The following SLC22A6 variants were observed in gnomAD, a reference collection of about 807,000 sequenced individuals.
SLC22A6 encodes the protein PAH transporter.
SLC22A6 carries 45 observed loss-of-function variants against 56.7 expected under a neutral mutation model. The ratio of observed to expected loss-of-function variants is 0.79; its 90% CI spans 0.63 to 1.02. SLC22A6 has a LOEUF of 1.02. Ranked by LOEUF, SLC22A6 falls within the 50% of genes least tolerant of loss-of-function variation. The pLI is 0.00. For synonymous variants in SLC22A6, 291 were observed against 295.9 expected, an observed-to-expected ratio of 0.98 and a Z score of 0.17; for missense variants, 606 against 713.8, an observed-to-expected ratio of 0.85 and a Z score of 1.72.
At chr11:62,978,844 C>A (rs1019143013) in intron 8 of SLC22A6, among the ~76,000 whole-genome samples, 4 of 152,148 alleles carry the variant, frequency 2.6e-5, no homozygotes, top group African/African-American at 9.7e-5. Context: ...CCTGCCTCGG[C>A]CTCCCAAAGT....
Position 62,983,626 on chromosome 11 carries a change from G to C in SLC22A6, c.539C>G (p.Ala180Gly), listed in dbSNP as rs148475665. 6.2e-7 allele frequency: 1 copy of C among 1,610,402 alleles called. No homozygotes were observed. Residue 180 changes from alanine (A) to glycine (G), a missense_variant, in exon 3 of 10, where the codon GCC becomes GGC. Ala to Gly is a moderately conservative substitution (Grantham distance 60, BLOSUM62 0). Transcript: ENST00000360421. This position sits in a 1 kb window ranked among gnomAD's most constrained non-coding sequence, Gnocchi z 4.5. ...LQTAVSGTCA[A>G]FAPNFPIYCA... ...GTAGATGGGGAAGTTGGGTGCGAAG[G>C]CTGCGCAGGTCCCTGACACAGCTGT...
intron 8 of SLC22A6, among the ~76,000 whole-genome samples, chr11:62,978,935 A>G (rs907877610): frequency 2.0e-5 from 3 of 152,130 alleles, no homozygotes; most frequent in Admixed American, 2.0e-4. Flanking sequence ...TGGCCTCCCA[A>G]GGTGCTGGGA....
intron 6 of SLC22A6, among the ~76,000 whole-genome samples, chr11:62,980,334 A>G (rs919809884): frequency 1.3e-5 from 2 of 152,222 alleles, no homozygotes; most frequent in African/African-American, 4.8e-5. Context: ...GGACCTGTCC[A>G]TGGTCCTGGG....
At chr11:62,980,794 C>T (rs2086243707) in intron 6 of SLC22A6, among the ~76,000 whole-genome samples, 191 bp downstream of exon 6, 1 of 152,246 alleles carries the variant, frequency 6.6e-6, no homozygotes, top group Non-Finnish European at 1.5e-5. Context: ...ACTGGTGTCC[C>T]GTGTGGAGAC....
chr11:62,981,841 C>A lies in SLC22A6; in HGVS notation c.797+1G>T. 5 of 1,608,222 alleles carry A rather than the reference C, an allele frequency of 3.1e-6. No homozygotes were observed. Among genetic ancestry groups the A allele is most frequent in the Non-Finnish European group, 4.2e-6 (5 of 1,177,430 alleles). ...CACCTCCAACCCTAGGCCCCACGCA[C>A]CAGGAGTAGATGAAGAAGGCAAAAA... On this transcript the variant is annotated splice_donor_variant, in intron 4 of 9. Transcript: ENST00000360421. LOFTEE classifies it high-confidence loss of function.
chr11:62,983,394 G>A lies in SLC22A6; in HGVS notation c.628+143C>T. The A allele has an allele frequency of 6.0e-6, 5 of 839,736 alleles. No homozygotes were observed. Among genetic ancestry groups the A allele is most frequent in the Non-Finnish European group, 9.3e-6 (5 of 537,252 alleles). The allele number at this position is 839,736 out of a possible 1,614,324, so 52.0% of individuals were successfully genotyped here. Reference sequence around the variant, plus strand: ...TCAGGGCGGCATGAGCCTGAGAAAAGGTTGTTCTATTGGCAGGAAGGTGAG... The same window carrying A: ...TCAGGGCGGCATGAGCCTGAGAAAAAGTTGTTCTATTGGCAGGAAGGTGAG... On this transcript the variant is annotated intron_variant, in intron 3 of 9. Transcript: ENST00000360421. This position sits in a 1 kb window ranked among gnomAD's most constrained non-coding sequence, Gnocchi z 4.5.
chr11:62,984,384 C>A lies in SLC22A6; in HGVS notation c.307G>T (p.Glu103Ter). The A allele has an allele frequency of 6.2e-7, 1 of 1,613,928 alleles. No homozygotes were observed. Among genetic ancestry groups the A allele is most frequent in the East Asian group, 2.2e-5 (1 of 44,856 alleles). ...TAGATCCAGCCATCGGTGCAGGGCT[C>A]TGTGGCCCCTGTGCCATTGGCTTCT... ...GTEANGTGAT[E>*]PCTDGWIYDN... is the part of the protein sequence containing the mutation. The change falls in exon 1 of 10, where the codon GAG becomes TAG. Residue 103 changes from glutamate to a stop codon, truncating the protein, a stop_gained. Coordinates refer to ENST00000360421, the MANE Select transcript of SLC22A6 (RefSeq NM_153276.3). LOFTEE classifies it high-confidence loss of function.
intron 4 of SLC22A6, 62 bp downstream of exon 4, chr11:62,981,780 T>A (rs768140516): frequency 1.1e-5 from 17 of 1,488,878 alleles, no homozygotes; most frequent in African/African-American, 2.8e-5. Flanking sequence ...CTGGGAGATG[T>A]CCTGTCCCTT....
In SLC22A6 at chr11:62,976,758, C is replaced by G; in HGVS notation, c.*36G>C. The G allele has an allele frequency of 6.4e-7, 1 of 1,564,864 alleles. No individual in the cohort carries two copies. Among genetic ancestry groups the G allele is most frequent in the South Asian group, 1.1e-5 (1 of 87,236 alleles). On this transcript the variant is annotated 3_prime_UTR_variant, in exon 10 of 10. Transcript: ENST00000360421. Reference sequence around the variant, plus strand: ...TGGCCGGAGACCTGTAGGACCTTCCCTCCCTTTAGGGTTCTGTAAGGCCCC... The same window carrying G: ...TGGCCGGAGACCTGTAGGACCTTCCGTCCCTTTAGGGTTCTGTAAGGCCCC...
chr11:62,978,671 A>G (rs1217973890), intron 8 of SLC22A6, among the ~76,000 whole-genome samples: 1 of 146,176 alleles, frequency 6.8e-6, no homozygotes, highest in African/African-American at 2.6e-5. Context: ...GGCTCACTGC[A>G]AGCTCCGCCT....
rs1185563024 is a variant in SLC22A6 at position 62,977,540 on chromosome 11, AT to A, written c.1362-154del. Among the ~76,000 whole-genome samples the A allele has an allele frequency of 9.0e-4, 131 of 146,242 alleles. 1 individual carries two copies. Among genetic ancestry groups the A allele is most frequent in the East Asian group, 2.0e-3 (10 of 5,040 alleles). ...ATTTGATTAGCAAACCAATTTGGCG[AT>A]TTTTTTTTTTCTTGTAGAGATAGGG... On this transcript the variant is annotated intron_variant, in intron 8 of 9. Coordinates refer to ENST00000360421, the MANE Select transcript of SLC22A6 (RefSeq NM_153276.3).
intron 8 of SLC22A6, among the ~76,000 whole-genome samples, chr11:62,978,410 C>T (rs907848803): frequency 1.3e-5 from 2 of 150,186 alleles, no homozygotes; most frequent in South Asian, 2.1e-4. Context: ...TGCAGTGGCG[C>T]GATGTCAGCT....
chr11:62,984,656 C>T lies in SLC22A6; in HGVS notation c.35G>A (p.Gly12Asp). The part of the protein sequence containing the change: ...AFNDLLQQVG[G>D]VGRFQQIQVT... ...CTGGATCTGCTGGAAGCGGCCGACACCCCCCACCTGCTGCAGGAGGTCATT... is the reference window on the plus strand; with the variant it reads ...CTGGATCTGCTGGAAGCGGCCGACATCCCCCACCTGCTGCAGGAGGTCATT... Residue 12 changes from glycine (G) to aspartate (D), a missense_variant, in exon 1 of 10, where the codon GGT (glycine) becomes GAT (aspartate). Gly to Asp is a moderately conservative substitution (Grantham distance 94). Transcript: ENST00000360421. 6.2e-7 allele frequency: 1 copy of T among 1,613,268 alleles called. No homozygotes were observed. The highest frequency in any genetic ancestry group is 1.1e-5 in the South Asian group (1 of 91,000).
At chr11:62,977,487 G>T in intron 8 of SLC22A6, 100 bp from the exon 9 acceptor site, 1 of 1,347,650 alleles carries the variant, frequency 7.4e-7, no homozygotes, top group Non-Finnish European at 1.0e-6. Flanking sequence ...CAGCCCCCAG[G>T]ACACTCCCGG....
intron 8 of SLC22A6, among the ~76,000 whole-genome samples, 165 bp from the exon 9 acceptor site, chr11:62,977,552 CT>C (rs2086204968): frequency 6.6e-6 from 1 of 150,954 alleles, no homozygotes; most frequent in Non-Finnish European, 1.5e-5. Flanking sequence ...TTTTTTTTTT[CT>C]TGTAGAGATA....
At chr11:62,980,361 T>G (rs184304955) in intron 6 of SLC22A6, among the ~76,000 whole-genome samples, 45 of 152,312 alleles carry the variant, frequency 3.0e-4, no homozygotes, top group African/African-American at 1.1e-3. Flanking sequence ...GTTGTGCTTT[T>G]TAAGATGTCA....
At position 62,984,363 on chromosome 11, in the gene SLC22A6, T is replaced by C; in HGVS notation, c.328A>G (p.Ile110Val). The C allele has an allele frequency of 6.2e-7, 1 of 1,613,798 alleles. No individual in the cohort carries two copies. Among genetic ancestry groups the C allele is most frequent in the Non-Finnish European group, 8.5e-7 (1 of 1,179,960 alleles). The change falls in exon 1 of 10, where the codon ATC becomes GTC. Residue 110 changes from isoleucine to valine, a missense_variant. Coordinates refer to ENST00000360421, the MANE Select transcript of SLC22A6 (RefSeq NM_153276.3). ...GATEPCTDGW[I>V]YDNSTFPSTI... ...GATGGGAAGGTGCTGTTGTCATAGATCCAGCCATCGGTGCAGGGCTCTGTG... is the reference window on the plus strand; with the variant it reads ...GATGGGAAGGTGCTGTTGTCATAGACCCAGCCATCGGTGCAGGGCTCTGTG...
Position 62,984,656 on chromosome 11 carries a change from C to G in SLC22A6, c.35G>C (p.Gly12Ala), listed in dbSNP as rs754495560. 24 of 1,613,268 alleles carry G rather than the reference C, an allele frequency of 1.5e-5. No individual in the cohort carries two copies. Among genetic ancestry groups the G allele is most frequent in the Non-Finnish European group, 1.9e-5 (23 of 1,179,842 alleles). Residue 12 changes from glycine (G) to alanine (A), a missense_variant, in exon 1 of 10, where the codon GGT becomes GCT. By Grantham distance (60) the Gly-to-Ala change is moderately conservative. Transcript: ENST00000360421. The part of the protein sequence containing the change: ...AFNDLLQQVG[G>A]VGRFQQIQVT... ...CTGGATCTGCTGGAAGCGGCCGACA[C>G]CCCCCACCTGCTGCAGGAGGTCATT...
At chr11:62,982,788 C>T (rs959556810) in intron 3 of SLC22A6, among the ~76,000 whole-genome samples, 13 of 152,310 alleles carry the variant, frequency 8.5e-5, no homozygotes, top group African/African-American at 3.1e-4. Flanking sequence ...GTCTTGTCTG[C>T]ACGATGCTGC....
Sources: allele counts gnomAD v4.1 joint callset (sites outside exome capture counted in the v4.1 genomes callset), GRCh38; gene constraint gnomAD v4.1.1; non-coding constraint Gnocchi (gnomAD v3.1); transcripts MANE v1.5; gene names NCBI Gene and HGNC (gene_info 2026-07-23, HGNC 2026-07-21).